Variants in LRRC7 observed in about 807,000 individuals in gnomAD.
The protein encoded by LRRC7 is leucine-rich repeat-containing protein 7.
Under a neutral mutation model 175.7 loss-of-function variants are expected in LRRC7, and 23 were observed. The ratio of observed to expected loss-of-function variants is 0.13; its 90% CI spans 0.09 to 0.19. LRRC7 has a LOEUF of 0.19. Ranked by LOEUF, LRRC7 falls within the 10% of genes least tolerant of loss-of-function variation. The pLI, the probability that LRRC7 is intolerant of heterozygous loss-of-function variation, is 1.00. For missense variants in LRRC7, 1,354 were observed against 1,904.7 expected (o/e 0.71, Z 5.38); for synonymous variants, 685 against 680.9 (o/e 1.01, Z -0.09).
chr1:70,122,632 A>G lies in LRRC7; in HGVS notation c.*745A>G, dbSNP rs933121513. On this transcript the variant is annotated 3_prime_UTR_variant, in exon 27 of 27. Transcript: ENST00000651989. Reference sequence around the variant, plus strand: ...CTAATTTGTTCAATGCCTTTAGCTAATTACAATACATGCAGAGTTTAGAAA... The same window carrying G: ...CTAATTTGTTCAATGCCTTTAGCTAGTTACAATACATGCAGAGTTTAGAAA... 1 of 152,144 alleles carries G rather than the reference A, an allele frequency of 6.6e-6. No individual in the cohort carries two copies. Among genetic ancestry groups the G allele is most frequent in the Middle Eastern group, 3.2e-3 (1 of 316 alleles). 9.4% of individuals were successfully genotyped at this position (152,144 alleles called of 1,614,324 possible).
chr1:69,804,236 G>A (rs1676854510), intron 4 of LRRC7, among the ~76,000 whole-genome samples: 2 of 151,254 alleles, frequency 1.3e-5, no homozygotes, highest in African/African-American at 4.8e-5. Flanking sequence ...TTTTTCAAAT[G>A]TTTCTTCTTG....
chr1:69,652,304 A>G (rs1023431502), intron 1 of LRRC7, among the ~76,000 whole-genome samples: 28 of 152,348 alleles, frequency 1.8e-4, no homozygotes, highest in African/African-American at 5.5e-4. Context: ...TGCAGGATAC[A>G]AAATCAACAC....
intron 24 of LRRC7, among the ~76,000 whole-genome samples, chr1:70,082,800 T>TTTTTTTTTTTTTTTTTTTG (rs1663316069): frequency 8.4e-6 from 1 of 118,796 alleles, no homozygotes; most frequent in Admixed American, 9.2e-5. Flanking sequence ...TTTTTTTTTT[T>TTTTTTTTTTTTTTTTTTTG]TTTTTTTTTT....
chr1:70,084,176 A>G (rs760208114), intron 24 of LRRC7, among the ~76,000 whole-genome samples: 32 of 152,128 alleles, frequency 2.1e-4, no homozygotes, highest in Non-Finnish European at 4.0e-4. Flanking sequence ...GATATAATTT[A>G]TATACAGTAA....
At chr1:69,995,775 T>C (rs1416983636) in intron 11 of LRRC7, among the ~76,000 whole-genome samples, 1 of 152,104 alleles carries the variant, frequency 6.6e-6, no homozygotes, top group East Asian at 1.9e-4. Flanking sequence ...GGTGTATATG[T>C]GCCACATTTT....
chr1:70,039,651 G>A lies in LRRC7; in HGVS notation c.3827G>A (p.Gly1276Asp). The A allele has an allele frequency of 3.1e-6, 5 of 1,614,102 alleles. No individual in the cohort carries two copies. The South Asian group carries it at 5.5e-5, about 18-fold the overall frequency. Residue 1276 changes from glycine to aspartate, a missense_variant, in exon 21 of 27, where the codon GGT becomes GAT. By Grantham distance (94) the Gly-to-Asp change is moderately conservative. This residue lies in a region of LRRC7 where 1,032 missense variants were observed against 1,227.2 expected (regional missense o/e 0.84). Transcript: ENST00000651989. ...AAAATACCATCTGACTATAACTTGG[G>A]TAACTATGGTGACAAGCCATCAGAT... The part of the protein sequence containing the change: ...LEKIPSDYNL[G>D]NYGDKPSDNS...
chr1:69,949,312 G>A (rs963563877), intron 8 of LRRC7, among the ~76,000 whole-genome samples: 6 of 152,006 alleles, frequency 3.9e-5, no homozygotes, highest in Non-Finnish European at 8.8e-5. Flanking sequence ...TGGCTCACAC[G>A]GGTAATCCCA....
Position 69,731,305 on chromosome 1 carries a change from C to A in LRRC7, c.101-28886C>A, listed in dbSNP as rs569105834. 5.3e-5 allele frequency among the ~76,000 whole-genome samples: 8 copies of A among 152,094 alleles called. No individual in the cohort carries two copies. The East Asian group carries it at 1.5e-3, about 29-fold the overall frequency. On this transcript the variant is annotated intron_variant, in intron 2 of 26. Coordinates refer to ENST00000651989, the MANE Select transcript of LRRC7 (RefSeq NM_001370785.2). ...TCCATTACCCCCACCCCCAAAAAAA[C>A]CATGAGACCTCATGAGAACTCACTC...
chr1:69,571,123 A>G lies in LRRC7; in HGVS notation c.2+2482A>G, dbSNP rs538055424. ...TTTTCATGACTTATTATGAGGTGAG[A>G]GTTCTTTATACATTTTTAAGAAAAA... On this transcript the variant is annotated intron_variant, in intron 1 of 26. Coordinates refer to ENST00000651989, the MANE Select transcript of LRRC7 (RefSeq NM_001370785.2). 1.2e-4 allele frequency among the ~76,000 whole-genome samples: 19 copies of G among 152,296 alleles called. 1 individual carries two copies. The South Asian group carries it at 1.9e-3, about 15-fold the overall frequency.
chr1:69,934,495 G>C (rs866315407), intron 8 of LRRC7, among the ~76,000 whole-genome samples: 6 of 59,066 alleles, frequency 1.0e-4, no homozygotes, highest in Admixed American at 3.3e-4. Flanking sequence ...ATATTTTGGC[G>C]GGGGGGGGGC....
chr1:69,626,470 A>G (rs1433213511), intron 1 of LRRC7, among the ~76,000 whole-genome samples: 6 of 151,880 alleles, frequency 4.0e-5, no homozygotes, highest in African/African-American at 1.4e-4. Context: ...ACCATTAATG[A>G]AAGCAGATTT....
At chr1:69,999,402 T>C (rs1655310940) in intron 11 of LRRC7, among the ~76,000 whole-genome samples, 1 of 152,144 alleles carries the variant, frequency 6.6e-6, no homozygotes, top group African/African-American at 2.4e-5. Context: ...AATTTTCAGA[T>C]GCCACAAAGC....
At chr1:69,930,959 T>G (rs749683472) in intron 7 of LRRC7, among the ~76,000 whole-genome samples, 11 of 152,170 alleles carry the variant, frequency 7.2e-5, no homozygotes, top group Non-Finnish European at 1.6e-4. Context: ...CAATTCAAGA[T>G]GAGATTTGGG....
At chr1:70,030,739 A>G (rs577354641) in intron 18 of LRRC7, among the ~76,000 whole-genome samples, 71 of 152,346 alleles carry the variant, frequency 4.7e-4, no homozygotes, top group African/African-American at 1.7e-3. Flanking sequence ...GGTAGGCATG[A>G]CCAGAAGTGG....
chr1:69,851,963 A>C (rs2101466248), intron 7 of LRRC7, among the ~76,000 whole-genome samples: 1 of 152,276 alleles, frequency 6.6e-6, no homozygotes, highest in East Asian at 1.9e-4. Context: ...TAGAACTACA[A>C]AATTTAAGAT....
chr1:69,850,880 G>C (rs1286655605), intron 7 of LRRC7, among the ~76,000 whole-genome samples: 1 of 152,104 alleles, frequency 6.6e-6, no homozygotes, highest in Non-Finnish European at 1.5e-5. Context: ...AGAGTCATCA[G>C]TGTATAGATT....
intron 1 of LRRC7, among the ~76,000 whole-genome samples, chr1:69,600,138 C>G (rs1196844920): frequency 6.6e-6 from 1 of 152,124 alleles, no homozygotes; most frequent in Non-Finnish European, 1.5e-5. Context: ...AAAGATATTA[C>G]AGGGTGTTCC....
At chr1:69,776,051 G>A (rs1569731463) in intron 3 of LRRC7, among the ~76,000 whole-genome samples, 1 of 152,140 alleles carries the variant, frequency 6.6e-6, no homozygotes, top group Non-Finnish European at 1.5e-5. Context: ...AAAGTCTGGG[G>A]TAGGGAAAAC....
At chr1:69,654,266 T>G (rs1173685619) in intron 1 of LRRC7, among the ~76,000 whole-genome samples, 5 of 152,030 alleles carry the variant, frequency 3.3e-5, no homozygotes, top group Admixed American at 3.3e-4. Flanking sequence ...AAGGGGAAAC[T>G]TAAAACCTAT....
Sources: gnomAD v4.1 joint callset for allele counts (sites outside exome capture counted in the v4.1 genomes callset) on GRCh38, gnomAD v4.1.1 for gene constraint, gnomAD v4.1.1 regional missense constraint, MANE v1.5 for transcripts, NCBI Gene and HGNC (gene_info 2026-07-23, HGNC 2026-07-21) for gene names.